FAXC: variants seen among roughly 807,000 people sequenced by gnomAD.
FAXC encodes failed axon connections homolog, metaxin like GST domain containing.
FAXC carries 10 observed loss-of-function variants against 41.9 expected under a neutral mutation model. The ratio of observed to expected loss-of-function variants is 0.24; its 90% CI spans 0.15 to 0.41. The LOEUF is 0.41. Ranked by LOEUF, FAXC falls within the 10% of genes least tolerant of loss-of-function variation. FAXC has a pLI of 1.00. For missense variants in FAXC, 399 were observed against 510.9 expected (o/e 0.78, Z 2.11); for synonymous variants, 183 against 183.8 (o/e 1.00, Z 0.03).
At chr6:99,294,186 C>G (rs1402922258) in intron 4 of FAXC, among the ~76,000 whole-genome samples, 1 of 152,170 alleles carries the variant, frequency 6.6e-6, no homozygotes, top group East Asian at 1.9e-4. Context: ...AGTCTTACAC[C>G]ATTATCCAAA....
At chr6:99,326,912 G>A (rs888545837) in intron 3 of FAXC, among the ~76,000 whole-genome samples, 2 of 152,176 alleles carry the variant, frequency 1.3e-5, no homozygotes, top group African/African-American at 4.8e-5. Context: ...GCAGTAGCAG[G>A]CATGAAGGGA....
At chr6:99,306,233 C>T (rs1017766980) in intron 4 of FAXC, among the ~76,000 whole-genome samples, 5 of 151,964 alleles carry the variant, frequency 3.3e-5, no homozygotes, top group African/African-American at 9.7e-5. Flanking sequence ...CAGAGAGAAC[C>T]GTGTGGTTAA....
chr6:99,284,114 T>C (rs1770929012), intron 5 of FAXC: 1 of 152,214 alleles, frequency 6.6e-6, no homozygotes, highest in African/African-American at 2.4e-5. Flanking sequence ...ACCTGTTGAA[T>C]TCATATTAAC....
Position 99,276,298 on chromosome 6 carries a change from C to T in FAXC, c.*4866G>A, listed in dbSNP as rs568486427. 9 of 152,306 alleles carry T rather than the reference C, an allele frequency of 5.9e-5. No individual in the cohort carries two copies. The highest frequency in any genetic ancestry group is 2.2e-4 in the African/African-American group (9 of 41,574). 9.4% of individuals were successfully genotyped at this position (152,306 alleles called of 1,614,324 possible). On this transcript the variant is annotated 3_prime_UTR_variant, in exon 6 of 6. Transcript: ENST00000389677. ...ATACAGGAAAACCTGATTGTGCAGACCTTTCTTCTTTAAGGAAGAAAAATC... is the reference window on the plus strand; with the variant it reads ...ATACAGGAAAACCTGATTGTGCAGATCTTTCTTCTTTAAGGAAGAAAAATC...
At chr6:99,285,192 C>T (rs1770986901) in intron 5 of FAXC, among the ~76,000 whole-genome samples, 1 of 152,060 alleles carries the variant, frequency 6.6e-6, no homozygotes, top group African/African-American at 2.4e-5. Context: ...CAGGATTTCA[C>T]TTTTAGTACT....
At chr6:99,347,323 A>G (rs1231082263) in intron 1 of FAXC, among the ~76,000 whole-genome samples, 1 of 151,960 alleles carries the variant, frequency 6.6e-6, no homozygotes, top group Non-Finnish European at 1.5e-5. Context: ...AATCATTTGA[A>G]CCAGGGAGGT....
chr6:99,318,304 C>CAAAAAAAA (rs748610778), intron 4 of FAXC, among the ~76,000 whole-genome samples: 22 of 104,136 alleles, frequency 2.1e-4, no homozygotes, highest in Non-Finnish European at 3.8e-4. Context: ...CACACACACA[C>CAAAAAAAA]ACAAAATAGA....
intron 4 of FAXC, among the ~76,000 whole-genome samples, chr6:99,294,150 T>C (rs892032967): frequency 2.6e-5 from 4 of 152,190 alleles, no homozygotes; most frequent in African/African-American, 4.8e-5. Flanking sequence ...CTATTTCCTA[T>C]TGTCAACCAA....
intron 4 of FAXC, among the ~76,000 whole-genome samples, chr6:99,300,670 C>G (rs1174040051): frequency 6.6e-6 from 1 of 152,214 alleles, no homozygotes; most frequent in Non-Finnish European, 1.5e-5. Flanking sequence ...AAATATATCA[C>G]TCAATTCAAA....
chr6:99,300,007 C>T (rs561032361), intron 4 of FAXC, among the ~76,000 whole-genome samples: 1 of 152,186 alleles, frequency 6.6e-6, no homozygotes, highest in South Asian at 2.1e-4. Flanking sequence ...CAACTAGATA[C>T]TCCTTTAATT....
Position 99,316,650 on chromosome 6 carries a change from T to C in FAXC, c.823+6794A>G, listed in dbSNP as rs537508968. On this transcript the variant is annotated intron_variant, in intron 4 of 5. Transcript: ENST00000389677. ...AGAGCATCAACACTGCTTCATGGTA[T>C]AGGCTTCCCAATCTGGAGGGATGGA... Among the ~76,000 whole-genome samples, 2 of 152,330 alleles carry C rather than the reference T, an allele frequency of 1.3e-5. 1 individual carries two copies. Among genetic ancestry groups the C allele is most frequent in the South Asian group, 4.1e-4 (2 of 4,826 alleles).
chr6:99,331,341 T>C (rs1773017159), intron 3 of FAXC, among the ~76,000 whole-genome samples: 1 of 152,118 alleles, frequency 6.6e-6, no homozygotes, highest in Non-Finnish European at 1.5e-5. Flanking sequence ...AATTAAGATC[T>C]TTTCCCACGG....
At chr6:99,292,023 T>C (rs1253090912) in intron 4 of FAXC, among the ~76,000 whole-genome samples, 2 of 151,814 alleles carry the variant, frequency 1.3e-5, no homozygotes, top group African/African-American at 2.4e-5. Flanking sequence ...CATCAACCCA[T>C]AGAACAGCAA....
chr6:99,333,189 C>T (rs1773090821), intron 3 of FAXC, among the ~76,000 whole-genome samples, 162 bp downstream of exon 3: 1 of 152,196 alleles, frequency 6.6e-6, no homozygotes, highest in Non-Finnish European at 1.5e-5. Context: ...GTCTAGGTAA[C>T]CAGAAACTTC....
chr6:99,310,081 C>T (rs1772098979), intron 4 of FAXC: 1 of 160,140 alleles, frequency 6.2e-6, no homozygotes, highest in African/African-American at 2.4e-5. Context: ...GAGTTACCTT[C>T]AAGGTGCTAC....
At chr6:99,330,313 A>C (rs1457414294) in intron 3 of FAXC, among the ~76,000 whole-genome samples, 2 of 152,162 alleles carry the variant, frequency 1.3e-5, no homozygotes, top group Non-Finnish European at 2.9e-5. Context: ...TGTCACCCAA[A>C]ATCAGTTTCA....
At chr6:99,316,709 C>T (rs959395932) in intron 4 of FAXC, among the ~76,000 whole-genome samples, 1 of 152,214 alleles carries the variant, frequency 6.6e-6, no homozygotes, top group African/African-American at 2.4e-5. Context: ...GAGCAACCTA[C>T]AGATTTTCTA....
chr6:99,323,389 A>G (rs1772661312), intron 4 of FAXC, 55 bp downstream of exon 4: 14 of 1,465,114 alleles, frequency 9.6e-6, no homozygotes, highest in Non-Finnish European at 1.2e-5. Context: ...GTGTTTTACT[A>G]ATCATGCAAA....
chr6:99,273,958 T>TA lies in FAXC; in HGVS notation c.*7205dup, dbSNP rs1770508814. 6.6e-6 allele frequency: 1 copy of TA among 152,124 alleles called. No individual in the cohort carries two copies. Among genetic ancestry groups the TA allele is most frequent in the South Asian group, 2.1e-4 (1 of 4,822 alleles). The allele number at this position is 152,124 out of a possible 1,614,324, so 9.4% of individuals were successfully genotyped here. A position where few individuals can be genotyped will look rare whatever the true frequency, so the allele number is the denominator to read the frequency against. On this transcript the variant is annotated 3_prime_UTR_variant, in exon 6 of 6. Transcript: ENST00000389677. ...GTTTTACTAATAGGGTGAATAAACA[T>TA]AAACGTTTGGAGACCACTGCCTAAA... is the stretch of plus-strand genomic sequence containing the variant.
Sources: gnomAD v4.1 joint callset for allele counts (sites outside exome capture counted in the v4.1 genomes callset) on GRCh38, gnomAD v4.1.1 for gene constraint, MANE v1.5 for transcripts, NCBI Gene and HGNC (gene_info 2026-07-23, HGNC 2026-07-21) for gene names.